Variants in GLIS2 observed in about 807,000 individuals in gnomAD.
GLIS2 encodes the protein zinc finger protein GLIS2.
Under a neutral mutation model 35.6 loss-of-function variants are expected in GLIS2, and 14 were observed. The ratio of observed to expected loss-of-function variants is 0.39; its 90% CI spans 0.26 to 0.61. GLIS2 has a LOEUF of 0.61. Ranked by LOEUF, GLIS2 falls within the 20% of genes least tolerant of loss-of-function variation. The pLI is 0.48. For missense variants in GLIS2, 675 were observed against 713.4 expected, an observed-to-expected ratio of 0.95 and a Z score of 0.61; for synonymous variants, 368 against 325.1, an observed-to-expected ratio of 1.13 and a Z score of -1.42.
chr16:4,321,909 C>T (rs1056751620), intron 1 of GLIS2, among the ~76,000 whole-genome samples: 2 of 152,080 alleles, frequency 1.3e-5, no homozygotes, highest in African/African-American at 4.8e-5. Flanking sequence ...GGACTTGGAC[C>T]CGGGACAGCC....
intron 1 of GLIS2, among the ~76,000 whole-genome samples, chr16:4,319,847 C>A (rs891761892): frequency 6.6e-6 from 1 of 152,132 alleles, no homozygotes; most frequent in African/African-American, 2.4e-5. Context: ...TGGGCAGGCA[C>A]GGAGGCCGGG....
Position 4,337,170 on chromosome 16 carries a change from G to A in GLIS2, c.1221G>A (p.Leu407=), listed in dbSNP as rs1305349116. ...GMGPGLPGPV[L]PLNLAKNPLL... is the part of the protein sequence containing the mutation. ...GCCCTGGGCTGCCAGGCCCCGTCCT[G>A]CCTCTCAATCTGGCCAAGAACCCGC... Residue 407 remains leucine (L), a synonymous_variant, in exon 7 of 7, where the codon CTG becomes CTA. Coordinates refer to ENST00000433375, the MANE Select transcript of GLIS2 (RefSeq NM_032575.3). The A allele has an allele frequency of 1.3e-6, 2 of 1,542,158 alleles. No homozygotes were observed. The highest frequency in any genetic ancestry group is 2.7e-5 in the African/African-American group (2 of 73,006).
upstream of GLIS2, among the ~76,000 whole-genome samples, chr16:4,315,682 T>G (rs1439175170): frequency 1.1e-4 from 16 of 144,604 alleles, no homozygotes; most frequent in African/African-American, 3.9e-4. Flanking sequence ...GGGGGTGGCG[T>G]GAGGATGGGG....
chr16:4,335,434 C>T lies in GLIS2; in HGVS notation c.775+41C>T, dbSNP rs766970831. On this transcript the variant is annotated intron_variant, in intron 6 of 6. Transcript: ENST00000433375. The surrounding 1 kb of genome is among the most constrained non-coding windows in gnomAD (Gnocchi z 4.6). ...CGGGCGGCTTGGCCCATGAAGGGGG[C>T]GCTCAGCTGAGACCGGCTGGGCAGG... 35 of 1,578,250 alleles carry T rather than the reference C, an allele frequency of 2.2e-5. No individual in the cohort carries two copies. The highest frequency in any genetic ancestry group is 3.0e-5 in the Non-Finnish European group (35 of 1,149,094).
intron 1 of GLIS2, among the ~76,000 whole-genome samples, chr16:4,317,783 C>T (rs1037560038): frequency 6.6e-6 from 1 of 152,174 alleles, no homozygotes; most frequent in Non-Finnish European, 1.5e-5. Flanking sequence ...AAGCAGGAGA[C>T]AGTGCCAGGG....
At chr16:4,321,854 C>G (rs1273437702) in intron 1 of GLIS2, among the ~76,000 whole-genome samples, 2 of 152,000 alleles carry the variant, frequency 1.3e-5, no homozygotes, top group Admixed American at 6.5e-5. Flanking sequence ...GCTGTGTACA[C>G]CACGCTGTGC....
At chr16:4,317,978 C>T (rs2053333985) in intron 1 of GLIS2, among the ~76,000 whole-genome samples, 1 of 152,168 alleles carries the variant, frequency 6.6e-6, no homozygotes, top group Non-Finnish European at 1.5e-5. Flanking sequence ...CTCTTCGGCC[C>T]CTGAGTGACC....
At position 4,339,510 on chromosome 16, in the gene GLIS2, A is replaced by G. The variant is rs1306271350; in HGVS notation, c.*1986A>G. On this transcript the variant is annotated 3_prime_UTR_variant, in exon 7 of 7. Coordinates refer to ENST00000433375, the MANE Select transcript of GLIS2 (RefSeq NM_032575.3). ...ATTGCTGTTAGCATAGAGTTTTAAAAAAAGAGATAAGCTAATGACTATAAC... is the reference window on the plus strand; with the variant it reads ...ATTGCTGTTAGCATAGAGTTTTAAAGAAAGAGATAAGCTAATGACTATAAC... 1 of 152,432 alleles carries G rather than the reference A, an allele frequency of 6.6e-6. No individual in the cohort carries two copies. The highest frequency in any genetic ancestry group is 1.5e-5 in the Non-Finnish European group (1 of 68,016). The allele number at this position is 152,432 out of a possible 1,614,324, so 9.4% of individuals were successfully genotyped here.
chr16:4,325,929 TAAAAAAAAAAAAAAAA>T (rs58290393), intron 1 of GLIS2, among the ~76,000 whole-genome samples: 1 of 40,122 alleles, frequency 2.5e-5, no homozygotes, highest in African/African-American at 1.2e-4. Flanking sequence ...CTCTGTGTCT[TAAAAAAAAAAAAAAAA>T]AAAAAAAAAA....
chr16:4,335,033 G>T lies in GLIS2; in HGVS notation c.523-27G>T. 6.2e-7 allele frequency: 1 copy of T among 1,613,272 alleles called. No individual in the cohort carries two copies. Among genetic ancestry groups the T allele is most frequent in the East Asian group, 2.2e-5 (1 of 44,886 alleles). On this transcript the variant is annotated intron_variant, in intron 4 of 6. Transcript: ENST00000433375. The surrounding 1 kb of genome is among the most constrained non-coding windows in gnomAD (Gnocchi z 4.6). The stretch of plus-strand genomic sequence containing the variant: ...GTCTGGGGCAGGTCACCCCGCATGG[G>T]CTCAGAACACTTCCCATCCTCCGCA...
Position 4,337,101 on chromosome 16 carries a change from G to A in GLIS2, c.1152G>A (p.Leu384=), listed in dbSNP as rs2053562354. The change falls in exon 7 of 7, where the codon CTG becomes CTA. Residue 384 remains leucine, a synonymous_variant. Coordinates refer to ENST00000433375, the MANE Select transcript of GLIS2 (RefSeq NM_032575.3). ...CCGGCCCCCTTGACCTCAGTGCCCTGGCCTGTGGCAACGGTGGGGGCAGTG... is the reference window on the plus strand; with the variant it reads ...CCGGCCCCCTTGACCTCAGTGCCCTAGCCTGTGGCAACGGTGGGGGCAGTG... ...LAPGPLDLSA[L]ACGNGGGSGG... 1 of 1,536,530 alleles carries A rather than the reference G, an allele frequency of 6.5e-7. No individual in the cohort carries two copies. The highest frequency in any genetic ancestry group is 1.4e-5 in the African/African-American group (1 of 73,008).
chr16:4,337,070 T>TGGCCCCC lies in GLIS2; in HGVS notation c.1129_1135dup (p.Leu379ArgfsTer4). The stretch of plus-strand genomic sequence containing the variant: ...GGCCTGCCCGGCTTACCCCTACCCC[T>TGGCCCCC]GGCCCCCGGCCCCCTTGACCTCAGT... On this transcript the variant is annotated frameshift_variant, in exon 7 of 7. Transcript: ENST00000433375. LOFTEE classifies it high-confidence loss of function. 6.5e-7 allele frequency: 1 copy of TGGCCCCC among 1,542,782 alleles called. No homozygotes were observed.
Position 4,336,819 on chromosome 16 carries a change from C to A in GLIS2, c.870C>A (p.Asp290Glu). The A allele has an allele frequency of 1.2e-6, 2 of 1,612,282 alleles. No homozygotes were observed. Among genetic ancestry groups the A allele is most frequent in the Non-Finnish European group, 1.7e-6 (2 of 1,179,408 alleles). The change falls in exon 7 of 7, where the codon GAC (aspartate) becomes GAA (glutamate). Residue 290 changes from aspartate to glutamate, a missense_variant. This residue lies in a region of GLIS2 where 133 missense variants were observed against 191.4 expected (regional missense o/e 0.69). Coordinates refer to ENST00000433375, the MANE Select transcript of GLIS2 (RefSeq NM_032575.3). ...AGCACACGCGCACCCACTATGTGGACAAGCCCTACTACTGCAAGATGCCCG... is the reference window on the plus strand; with the variant it reads ...AGCACACGCGCACCCACTATGTGGAAAAGCCCTACTACTGCAAGATGCCCG... ...RFKHTRTHYVDKPYYCKMPGC... is the reference protein window; with the variant it reads ...RFKHTRTHYVEKPYYCKMPGC...
chr16:4,318,613 AG>A (rs2053341013), intron 1 of GLIS2, among the ~76,000 whole-genome samples: 1 of 152,180 alleles, frequency 6.6e-6, no homozygotes. Context: ...AACAGGCCGG[AG>A]GGAAAACAAA....
rs1375819194 is a variant in GLIS2, at chr16:4,320,865, C to G, written c.-67+4611C>G. Among the ~76,000 whole-genome samples the G allele has an allele frequency of 3.3e-5, 5 of 152,152 alleles. No individual in the cohort carries two copies. Among genetic ancestry groups the G allele is most frequent in the African/African-American group, 9.7e-5 (4 of 41,426 alleles). ...TGCTCGTCTCCCTGCCAGCCCCGGC[C>G]TCCCCCAGCACCCCCCGGAGCACCT... On this transcript the variant is annotated intron_variant, in intron 1 of 6. Transcript: ENST00000433375. This position sits in a 1 kb window ranked among gnomAD's most constrained non-coding sequence, Gnocchi z 5.6.
chr16:4,325,316 G>C (rs773019998), intron 1 of GLIS2: 1 of 152,314 alleles, frequency 6.6e-6, no homozygotes, highest in Non-Finnish European at 1.5e-5. Flanking sequence ...TGGGACCTTG[G>C]ATGGGTCACT....
intron 3 of GLIS2, among the ~76,000 whole-genome samples, chr16:4,333,770 C>T (rs906312720): frequency 1.1e-4 from 17 of 152,262 alleles, no homozygotes; most frequent in Non-Finnish European, 2.2e-4. Context: ...TGTCTTCACA[C>T]GGTCTTTGTC....
chr16:4,331,417 C>T (rs2053494813), intron 1 of GLIS2: 1 of 152,200 alleles, frequency 6.6e-6, no homozygotes, highest in South Asian at 2.1e-4. Context: ...TCTATAGAAA[C>T]TATGCTAATG....
rs958279753 is a variant in GLIS2, at chr16:4,337,992, C to T, written c.*468C>T. 1 of 255,854 alleles carries T rather than the reference C, an allele frequency of 3.9e-6. No individual in the cohort carries two copies. The highest frequency in any genetic ancestry group is 2.3e-5 in the African/African-American group (1 of 44,392). 15.8% of individuals were successfully genotyped at this position (255,854 alleles called of 1,614,324 possible). A position where few individuals can be genotyped will look rare whatever the true frequency, so the allele number is the denominator to read the frequency against. On this transcript the variant is annotated 3_prime_UTR_variant, in exon 7 of 7. Coordinates refer to ENST00000433375, the MANE Select transcript of GLIS2 (RefSeq NM_032575.3). The stretch of plus-strand genomic sequence containing the variant: ...CAGAGGCCTGCCCTTCCCTCCTAGG[C>T]TTACCCAGCCCCTGCCCTGGGGGCT...
Sources: gnomAD v4.1 joint callset for allele counts (sites outside exome capture counted in the v4.1 genomes callset) on GRCh38, gnomAD v4.1.1 for gene constraint, gnomAD v4.1.1 regional missense constraint, Gnocchi (gnomAD v3.1) non-coding constraint, MANE v1.5 for transcripts, NCBI Gene and HGNC (gene_info 2026-07-23, HGNC 2026-07-21) for gene names.